NDUFA12: variants seen among roughly 807,000 people sequenced by gnomAD.
The protein encoded by NDUFA12 is NADH dehydrogenase [ubiquinone] 1 alpha subcomplex subunit 12.
In NDUFA12, 17 loss-of-function variants were observed where a neutral mutation model predicts 20.3. The observed-to-expected ratio is 0.84, with a 90% CI of 0.57 to 1.26. NDUFA12 has a LOEUF of 1.26. NDUFA12 is among the 50% of genes most tolerant of loss of function. NDUFA12 has a pLI of 0.00. For synonymous variants in NDUFA12, 72 were observed against 63.6 expected, an observed-to-expected ratio of 1.13 and a Z score of -0.63; for missense variants, 191 against 183.7, an observed-to-expected ratio of 1.04 and a Z score of -0.23.
intron 3 of NDUFA12, among the ~76,000 whole-genome samples, chr12:94,989,649 G>A (rs1045030984): frequency 3.3e-5 from 5 of 152,322 alleles, no homozygotes; most frequent in South Asian, 4.1e-4. Context: ...ACAAAGAAAT[G>A]CAGCTTTGAA....
At chr12:94,977,698 T>C (rs1280498888) in intron 3 of NDUFA12, among the ~76,000 whole-genome samples, 1 of 152,170 alleles carries the variant, frequency 6.6e-6, no homozygotes, top group Non-Finnish European at 1.5e-5. Context: ...ATAATGTTTG[T>C]TTCAAGTAAA....
At chr12:94,983,998 AG>A (rs1420842603) in intron 3 of NDUFA12, among the ~76,000 whole-genome samples, 1 of 152,100 alleles carries the variant, frequency 6.6e-6, no homozygotes, top group Non-Finnish European at 1.5e-5. Flanking sequence ...GAGGGTGGCA[AG>A]CTGGTTTGGG....
chr12:95,003,610 A>T lies in NDUFA12; in HGVS notation c.71T>A (p.Leu24Gln). 1 of 1,614,168 alleles carries T rather than the reference A, an allele frequency of 6.2e-7. No homozygotes were observed. Among genetic ancestry groups the T allele is most frequent in the Non-Finnish European group, 8.5e-7 (1 of 1,180,018 alleles). The change falls in exon 1 of 4, where the codon CTA becomes CAA. Residue 24 changes from leucine (L) to glutamine (Q), a missense_variant. Physicochemically the swap from Leu to Gln is moderately radical, Grantham distance 113 (BLOSUM62 -2). Coordinates refer to ENST00000327772, the MANE Select transcript of NDUFA12 (RefSeq NM_018838.5). Reference protein sequence around the residue: ...ITGHGGLRGYLRVFFRTNDAK... With the variant: ...ITGHGGLRGYQRVFFRTNDAK... ...GGCCGCCTACCTGAAAAAAACCCGT[A>T]GATAGCCTCGGAGACCGCCGTGGCC... is the stretch of plus-strand genomic sequence containing the variant.
intron 2 of NDUFA12, 164 bp from the exon 3 acceptor site, chr12:94,994,421 T>C: frequency 1.7e-6 from 1 of 595,044 alleles, no homozygotes; most frequent in East Asian, 3.0e-5. Context: ...GAAGGTAAGC[T>C]CCAGGAGGTG....
intron 3 of NDUFA12, among the ~76,000 whole-genome samples, chr12:94,987,355 C>T (rs1874479216): frequency 6.6e-6 from 1 of 152,186 alleles, no homozygotes; most frequent in Non-Finnish European, 1.5e-5. Flanking sequence ...GACTAAAGAA[C>T]TTGAGATCCA....
chr12:94,975,142 T>C (rs940318993), intron 3 of NDUFA12, among the ~76,000 whole-genome samples: 2 of 152,170 alleles, frequency 1.3e-5, no homozygotes, highest in Non-Finnish European at 1.5e-5. Flanking sequence ...ACACCTACTA[T>C]GTACCCAAAA....
chr12:94,998,908 C>T (rs375905082), intron 2 of NDUFA12, among the ~76,000 whole-genome samples: 1 of 152,052 alleles, frequency 6.6e-6, no homozygotes, highest in Non-Finnish European at 1.5e-5. Flanking sequence ...ACTATATGGC[C>T]CAAAGCAATC....
At chr12:94,987,153 A>G (rs1874472693) in intron 3 of NDUFA12, among the ~76,000 whole-genome samples, 2 of 152,174 alleles carry the variant, frequency 1.3e-5, no homozygotes, top group African/African-American at 4.8e-5. Flanking sequence ...GCTGCTACTT[A>G]ATAGAGTGCA....
chr12:94,996,344 C>T (rs1319161579), intron 2 of NDUFA12, among the ~76,000 whole-genome samples: 1 of 148,794 alleles, frequency 6.7e-6, no homozygotes, highest in Non-Finnish European at 1.5e-5. Context: ...CACACACACA[C>T]ACACACACAC....
chr12:95,003,455 TGGCA>T (rs1213131169), intron 1 of NDUFA12, 136 bp downstream of exon 1: 10 of 876,332 alleles, frequency 1.1e-5, no homozygotes, highest in Non-Finnish European at 1.9e-5. Context: ...AGCCTGGGGG[TGGCA>T]AGGCAGAGAT....
chr12:94,993,871 T>C (rs1473897124), intron 3 of NDUFA12, among the ~76,000 whole-genome samples: 1 of 151,762 alleles, frequency 6.6e-6, no homozygotes, highest in Non-Finnish European at 1.5e-5. Context: ...GAGGTGGAGG[T>C]TGCAGTGAGC....
intron 3 of NDUFA12, among the ~76,000 whole-genome samples, chr12:94,992,876 T>G (rs1451105877): frequency 6.6e-6 from 1 of 152,194 alleles, no homozygotes; most frequent in Non-Finnish European, 1.5e-5. Context: ...TTATCTTGTC[T>G]GAACTCCTGA....
chr12:94,987,970 C>T (rs1874508382), intron 3 of NDUFA12, among the ~76,000 whole-genome samples: 1 of 152,084 alleles, frequency 6.6e-6, no homozygotes, highest in Non-Finnish European at 1.5e-5. Flanking sequence ...GAAATCTGCA[C>T]AAACGTTGTT....
At chr12:94,985,899 A>G (rs1050724197) in intron 3 of NDUFA12, among the ~76,000 whole-genome samples, 5 of 151,992 alleles carry the variant, frequency 3.3e-5, no homozygotes, top group Non-Finnish European at 7.4e-5. Flanking sequence ...AGCCTGGCCA[A>G]TATGGTGAAA....
At chr12:94,996,711 C>A (rs548525514) in intron 2 of NDUFA12, among the ~76,000 whole-genome samples, 9 of 151,218 alleles carry the variant, frequency 6.0e-5, no homozygotes, top group Admixed American at 2.0e-4. Context: ...CCCAGCTACT[C>A]AGGAGGCTGA....
chr12:94,979,613 A>G (rs1592699113), intron 3 of NDUFA12, among the ~76,000 whole-genome samples: 1 of 151,938 alleles, frequency 6.6e-6, no homozygotes, highest in Admixed American at 6.6e-5. Flanking sequence ...GGCGGATCAC[A>G]TGAGGCCAGG....
chr12:94,976,855 T>C (rs1874079206), intron 3 of NDUFA12, among the ~76,000 whole-genome samples: 1 of 152,212 alleles, frequency 6.6e-6, no homozygotes, highest in African/African-American at 2.4e-5. Flanking sequence ...ATTCCACATA[T>C]GGAATTTTCC....
chr12:94,993,816 C>T (rs1874728911), intron 3 of NDUFA12, among the ~76,000 whole-genome samples: 1 of 151,846 alleles, frequency 6.6e-6, no homozygotes, highest in African/African-American at 2.4e-5. Context: ...CACCTGTAGT[C>T]CCAGCTACTC....
chr12:94,982,447 T>C (rs1874276274), intron 3 of NDUFA12, among the ~76,000 whole-genome samples: 1 of 152,088 alleles, frequency 6.6e-6, no homozygotes, highest in East Asian at 1.9e-4. Flanking sequence ...CTAATTTTTT[T>C]TTGTAGTTTA....
Sources: allele counts gnomAD v4.1 joint callset (sites outside exome capture counted in the v4.1 genomes callset), GRCh38; gene constraint gnomAD v4.1.1; transcripts MANE v1.5; gene names NCBI Gene and HGNC (gene_info 2026-07-23, HGNC 2026-07-21).